Variants in CSMD1 observed in about 807,000 individuals in gnomAD.
CSMD1 encodes the protein CUB and Sushi multiple domains 1, also known as CUB and sushi domain-containing protein 1.
Under a neutral mutation model 417.5 loss-of-function variants are expected in CSMD1, and 213 were observed. That is an observed-to-expected ratio of 0.51 (90% CI 0.46 to 0.57). The LOEUF (loss-of-function observed/expected upper bound fraction) is 0.57, where lower values mean the gene tolerates loss of function less well. CSMD1 is among the 20% of genes least tolerant of loss of function. The pLI, the probability that CSMD1 is intolerant of heterozygous loss-of-function variation, is 0.00. For missense variants in CSMD1, 6,923 were observed against 4,529.7 expected, an observed-to-expected ratio of 1.53 and a Z score of -15.17; for synonymous variants, 2,862 against 1,736.8, an observed-to-expected ratio of 1.65 and a Z score of -16.11.
chr8:4,403,994 C>G (rs767632644), intron 3 of CSMD1, among the ~76,000 whole-genome samples: 9 of 152,188 alleles, frequency 5.9e-5, no homozygotes, highest in Non-Finnish European at 1.0e-4. Context: ...CTCAGGTCAA[C>G]CAATCAATTA....
chr8:4,989,153 C>G (rs1383319811), intron 1 of CSMD1, among the ~76,000 whole-genome samples: 1 of 152,124 alleles, frequency 6.6e-6, no homozygotes, highest in Non-Finnish European at 1.5e-5. Context: ...GCACAATGAT[C>G]ATGTAATTGA....
intron 5 of CSMD1, among the ~76,000 whole-genome samples, chr8:3,979,265 G>T (rs1481215995): frequency 1.3e-5 from 2 of 152,184 alleles, no homozygotes; most frequent in South Asian, 2.1e-4. Context: ...TGTTTTGGGA[G>T]CGGATTGCAA....
At chr8:4,689,883 T>C (rs1456636839) in intron 1 of CSMD1, among the ~76,000 whole-genome samples, 1 of 152,156 alleles carries the variant, frequency 6.6e-6, no homozygotes, top group Non-Finnish European at 1.5e-5. Flanking sequence ...TTAAAACTAC[T>C]ATGGAGGTAA....
intron 6 of CSMD1, among the ~76,000 whole-genome samples, chr8:3,709,352 A>G (rs918334684): frequency 6.6e-6 from 1 of 152,096 alleles, no homozygotes; most frequent in African/African-American, 2.4e-5. Context: ...TTTGCTTACA[A>G]CAGGGTGGCC....
chr8:3,734,297 G>A (rs763684974), intron 6 of CSMD1, among the ~76,000 whole-genome samples: 15 of 152,196 alleles, frequency 9.9e-5, no homozygotes, highest in East Asian at 1.9e-4. Flanking sequence ...CTTCCAGGCG[G>A]GGTCTGCTGC....
intron 2 of CSMD1, among the ~76,000 whole-genome samples, chr8:4,538,218 C>T (rs1041359890): frequency 1.4e-5 from 2 of 145,964 alleles, no homozygotes; most frequent in African/African-American, 2.5e-5. Context: ...CTGCTATTTA[C>T]TGCCTTGATG....
intron 26 of CSMD1, among the ~76,000 whole-genome samples, chr8:3,237,663 T>G (rs530632654): frequency 8.6e-6 from 1 of 116,406 alleles, no homozygotes; most frequent in Non-Finnish European, 2.0e-5. Flanking sequence ...AATTATACTA[T>G]AAATATAATT....
At position 3,839,434 on chromosome 8, in the gene CSMD1, A is replaced by AATATTATATATTATAATATAAT. The variant is rs1261250345; in HGVS notation, c.819-85414_819-85393dup. ...AAAAAATAAATATATATAATAAATT[A>AATATTATATATTATAATATAAT]ATATTATATATTATAATATAATATA... On this transcript the variant is annotated intron_variant, in intron 5 of 69. Coordinates refer to ENST00000635120, the MANE Select transcript of CSMD1 (RefSeq NM_033225.6). Among the ~76,000 whole-genome samples the AATATTATATATTATAATATAAT allele has an allele frequency of 8.3e-3, 853 of 102,808 alleles. 32 individuals carry two copies. The highest frequency in any genetic ancestry group is 0.024 in the African/African-American group (642 of 27,240). The allele number at this position is 102,808 out of a possible 152,430, so 67.4% of individuals were successfully genotyped here.
intron 48 of CSMD1, among the ~76,000 whole-genome samples, chr8:3,091,203 C>G (rs1343730928): frequency 1.3e-5 from 2 of 151,742 alleles, no homozygotes; most frequent in African/African-American, 4.8e-5. Context: ...TGTTTGCTTA[C>G]CATTTAAACA....
intron 7 of CSMD1, among the ~76,000 whole-genome samples, chr8:3,704,129 A>T (rs1006564455): frequency 6.6e-6 from 1 of 152,188 alleles, no homozygotes; most frequent in South Asian, 2.1e-4. Context: ...GCAGTCCTCC[A>T]TCACTGTGGC....
chr8:4,614,067 C>A (rs1295223729), intron 2 of CSMD1, among the ~76,000 whole-genome samples: 1 of 151,884 alleles, frequency 6.6e-6, no homozygotes, highest in Non-Finnish European at 1.5e-5. Flanking sequence ...AATATAGAGC[C>A]AAGATTTGAC....
chr8:3,367,295 C>G (rs561927508), intron 19 of CSMD1, 48 bp from the exon 20 acceptor site: 274 of 1,306,372 alleles, frequency 2.1e-4, no homozygotes, highest in East Asian at 5.1e-4. Flanking sequence ...GAGAGACACA[C>G]GGGGCGGCGG....
intron 26 of CSMD1, among the ~76,000 whole-genome samples, chr8:3,269,733 T>G (rs1801700470): frequency 6.6e-6 from 1 of 152,200 alleles, no homozygotes; most frequent in African/African-American, 2.4e-5. Context: ...GTTTTATGCA[T>G]GATTAAATGG....
chr8:3,883,181 C>T (rs1015187328), intron 5 of CSMD1, among the ~76,000 whole-genome samples: 3 of 152,038 alleles, frequency 2.0e-5, no homozygotes, highest in African/African-American at 7.2e-5. Flanking sequence ...TGGCTGGGTG[C>T]AAATGCAAGA....
At chr8:4,553,554 T>A (rs1022409446) in intron 2 of CSMD1, among the ~76,000 whole-genome samples, 1 of 152,128 alleles carries the variant, frequency 6.6e-6, no homozygotes, top group African/African-American at 2.4e-5. Flanking sequence ...TTAGCTATCA[T>A]ATTTAAGAAC....
chr8:3,806,039 T>A (rs1247148564), intron 5 of CSMD1, among the ~76,000 whole-genome samples: 2 of 152,160 alleles, frequency 1.3e-5, no homozygotes, highest in Non-Finnish European at 2.9e-5. Context: ...GCACATTAAC[T>A]TCTTCAATGG....
chr8:4,832,252 A>G (rs539365104), intron 1 of CSMD1, among the ~76,000 whole-genome samples: 2 of 152,292 alleles, frequency 1.3e-5, no homozygotes, highest in Non-Finnish European at 1.5e-5. Flanking sequence ...ATTAGCCAGT[A>G]ATGGAAGTTT....
chr8:3,429,845 C>T (rs1468194301), intron 12 of CSMD1, among the ~76,000 whole-genome samples: 1 of 152,056 alleles, frequency 6.6e-6, no homozygotes, highest in Non-Finnish European at 1.5e-5. Flanking sequence ...AAAATACATC[C>T]ACAGCAACAG....
At position 3,963,747 on chromosome 8, in the gene CSMD1, G is replaced by A. The variant is rs527431667; in HGVS notation, c.818+34156C>T. 2.6e-5 allele frequency among the ~76,000 whole-genome samples: 4 copies of A among 152,216 alleles called. No individual in the cohort carries two copies. The South Asian group carries it at 8.3e-4, about 32-fold the overall frequency. ...TTTGATAGCAAAACAAAAGCTATATGAATATCACAATAGTATAGTATATGT... is the reference window on the plus strand; with the variant it reads ...TTTGATAGCAAAACAAAAGCTATATAAATATCACAATAGTATAGTATATGT... On this transcript the variant is annotated intron_variant, in intron 5 of 69. Transcript: ENST00000635120.
Sources: gnomAD v4.1 joint callset for allele counts (sites outside exome capture counted in the v4.1 genomes callset) on GRCh38, gnomAD v4.1.1 for gene constraint, MANE v1.5 for transcripts, NCBI Gene and HGNC (gene_info 2026-07-23, HGNC 2026-07-21) for gene names.